Variants in CEP89 observed in about 807,000 individuals in gnomAD.
The protein encoded by CEP89 is centrosomal protein of 89 kDa.
In CEP89, 95 loss-of-function variants were observed where a neutral mutation model predicts 97.6. The ratio of observed to expected loss-of-function variants is 0.97; its 90% confidence interval spans 0.82 to 1.15. CEP89 has a LOEUF of 1.15. Ranked by LOEUF, CEP89 falls within the 50% of genes most tolerant of loss-of-function variation. CEP89 has a pLI of 0.00. For missense variants in CEP89, 869 were observed against 947.7 expected, an observed-to-expected ratio of 0.92 and a Z score of 1.09; for synonymous variants, 354 against 349.1, an observed-to-expected ratio of 1.01 and a Z score of -0.16.
intron 2 of CEP89, among the ~76,000 whole-genome samples, chr19:32,965,744 G>A (rs1008993290): frequency 6.0e-5 from 9 of 150,742 alleles, no homozygotes; most frequent in South Asian, 2.1e-4. Context: ...GGCTGGGTGC[G>A]GAGGTTGATG....
At chr19:32,966,915 G>A (rs552635813) in intron 1 of CEP89, among the ~76,000 whole-genome samples, 1 of 152,266 alleles carries the variant, frequency 6.6e-6, no homozygotes, top group South Asian at 2.1e-4. Context: ...TACGATCATA[G>A]CTCACCGCAG....
At chr19:32,896,794 G>C (rs1466510162) in intron 16 of CEP89, among the ~76,000 whole-genome samples, 2 of 149,232 alleles carry the variant, frequency 1.3e-5, no homozygotes, top group African/African-American at 4.9e-5. Context: ...TTTTTTTAAG[G>C]AACACAACTC....
At chr19:32,934,793 G>A in intron 7 of CEP89, among the ~76,000 whole-genome samples, 1 of 152,096 alleles carries the variant, frequency 6.6e-6, no homozygotes, top group East Asian at 1.9e-4. Flanking sequence ...TGCCCTGGTA[G>A]GAGTGGAGAC....
At chr19:32,899,413 C>T (rs1411008251) in intron 16 of CEP89, among the ~76,000 whole-genome samples, 1 of 152,098 alleles carries the variant, frequency 6.6e-6, no homozygotes, top group African/African-American at 2.4e-5. Flanking sequence ...GGACTACAGG[C>T]ACACAGCACC....
chr19:32,939,805 G>T, intron 6 of CEP89, 52 bp downstream of exon 6: 1 of 835,938 alleles, frequency 1.2e-6, no homozygotes, highest in South Asian at 1.6e-5. Flanking sequence ...GAAAAATTAT[G>T]ATAAAAACTC....
At position 32,923,529 on chromosome 19, in the gene CEP89, A is replaced by T. The variant is rs754834740; in HGVS notation, c.1178T>A (p.Met393Lys). 6.3e-7 allele frequency: 1 copy of T among 1,591,632 alleles called. No individual in the cohort carries two copies. Among genetic ancestry groups the T allele is most frequent in the Non-Finnish European group, 8.6e-7 (1 of 1,160,166 alleles). ...CACTTCTTGGACTCGCATCCTAAAC[A>T]TTCTCATTTCCTCCTGAAATAAAAT... ...LNATLKEEMR[M>K]FRMRVQEVVK... Residue 393 changes from methionine to lysine, a missense_variant, in exon 12 of 19, where the codon ATG becomes AAG. Physicochemically the swap from Met to Lys is moderately conservative, Grantham distance 95. Coordinates refer to ENST00000305768, the MANE Select transcript of CEP89 (RefSeq NM_032816.5).
chr19:32,907,888 C>A (rs922242396), intron 14 of CEP89, among the ~76,000 whole-genome samples: 8 of 152,196 alleles, frequency 5.3e-5, no homozygotes, highest in African/African-American at 1.9e-4. Context: ...TGCCCGGCCC[C>A]ATTTTTATCT....
chr19:32,937,673 C>T lies in CEP89; in HGVS notation c.625G>A (p.Asp209Asn). 2 of 1,604,050 alleles carry T rather than the reference C, an allele frequency of 1.2e-6. No homozygotes were observed. Among genetic ancestry groups the T allele is most frequent in the Admixed American group, 1.7e-5 (1 of 58,956 alleles). Residue 209 changes from aspartate to asparagine, a missense_variant and splice_region_variant, in exon 7 of 19, where the codon GAT (aspartate) becomes AAT (asparagine). Physicochemically the swap from Asp to Asn is conservative, Grantham distance 23 (BLOSUM62 1). Transcript: ENST00000305768. ...DGKHPVLNLKDEKPPLCEKPP... is the reference protein window; with the variant it reads ...DGKHPVLNLKNEKPPLCEKPP... ...TTCTCACATAATGGAGGTTTTTCAT[C>T]CTAGGAAAGAAAGAACATAAGAGGA...
chr19:32,896,361 G>A (rs59563992), intron 16 of CEP89, among the ~76,000 whole-genome samples: 49,883 of 151,832 alleles, frequency 0.33, 8,514 homozygotes, highest in African/African-American at 0.37. Context: ...AAGAACATAC[G>A]CTGGGGAAAG....
chr19:32,953,804 G>A lies in CEP89; in HGVS notation c.306-3C>T, dbSNP rs745361300. 25 of 1,602,168 alleles carry A rather than the reference G, an allele frequency of 1.6e-5. No individual in the cohort carries two copies. Among genetic ancestry groups the A allele is most frequent in the Non-Finnish European group, 2.1e-5 (25 of 1,171,404 alleles). ...CCATCTCACTCTGCCAATTTGGCCT[G>A]TATTAGAATATTCATGGGGAAAACA... On this transcript the variant is annotated splice_region_variant and splice_polypyrimidine_tract_variant and intron_variant, in intron 3 of 18. Transcript: ENST00000305768.
At chr19:32,921,095 G>A (rs935336237) in intron 12 of CEP89, among the ~76,000 whole-genome samples, 2 of 151,786 alleles carry the variant, frequency 1.3e-5, no homozygotes, top group African/African-American at 4.8e-5. Flanking sequence ...GGTGGTGGGC[G>A]CCTGTAATCC....
intron 5 of CEP89, among the ~76,000 whole-genome samples, chr19:32,940,251 C>T (rs1322548757): frequency 3.5e-4 from 45 of 127,012 alleles, no homozygotes; most frequent in Middle Eastern, 5.4e-3. Flanking sequence ...CTCCTTCCAA[C>T]ACTCCTCCCC....
chr19:32,892,003 ATCCAGATATAGGAAGCTCAGGT>A (rs1193350282), intron 16 of CEP89, among the ~76,000 whole-genome samples: 6 of 151,292 alleles, frequency 4.0e-5, no homozygotes, highest in African/African-American at 1.5e-4. Flanking sequence ...AGATTTCGAA[ATCCAGATATAGGAAGCTCAGGT>A]TCCCAAAAAG....
At chr19:32,953,858 G>T in intron 3 of CEP89, 57 bp from the exon 4 acceptor site, 94 of 982,000 alleles carry the variant, frequency 9.6e-5, no homozygotes, top group Non-Finnish European at 1.3e-4. Context: ...ACTTGACACT[G>T]ATAAATATCT....
chr19:32,945,743 T>A (rs1970783873), intron 5 of CEP89, among the ~76,000 whole-genome samples: 1 of 152,186 alleles, frequency 6.6e-6, no homozygotes, highest in Non-Finnish European at 1.5e-5. Context: ...GCTCAAGTAA[T>A]CTTCCCGCCT....
chr19:32,911,481 T>C (rs2145901654), intron 14 of CEP89, among the ~76,000 whole-genome samples: 1 of 152,266 alleles, frequency 6.6e-6, no homozygotes, highest in South Asian at 2.1e-4. Flanking sequence ...GGTGAAATCC[T>C]GTCTCTAATA....
chr19:32,959,346 C>T (rs773142297), intron 3 of CEP89, among the ~76,000 whole-genome samples: 3 of 152,164 alleles, frequency 2.0e-5, no homozygotes, highest in African/African-American at 4.8e-5. Context: ...GATTCCTGTA[C>T]ATCCTAAGCT....
At chr19:32,895,036 T>C (rs1568547564) in intron 16 of CEP89, among the ~76,000 whole-genome samples, 1 of 152,120 alleles carries the variant, frequency 6.6e-6, no homozygotes, top group Non-Finnish European at 1.5e-5. Context: ...TTCTGCCAAA[T>C]TCTACAAACC....
At chr19:32,955,052 T>C (rs1469281967) in intron 3 of CEP89, among the ~76,000 whole-genome samples, 2 of 151,956 alleles carry the variant, frequency 1.3e-5, no homozygotes, top group Non-Finnish European at 2.9e-5. Flanking sequence ...AGGTGCAATC[T>C]TGGCTTACTG....
Sources: gnomAD v4.1 joint callset for allele counts (sites outside exome capture counted in the v4.1 genomes callset) on GRCh38, gnomAD v4.1.1 for gene constraint, MANE v1.5 for transcripts, NCBI Gene and HGNC (gene_info 2026-07-23, HGNC 2026-07-21) for gene names.